KLHDC1: variants seen among roughly 807,000 people sequenced by gnomAD.
KLHDC1 encodes the protein kelch domain containing 1.
Under a neutral mutation model 68.3 loss-of-function variants are expected in KLHDC1, and 53 were observed. The observed-to-expected ratio is 0.78, with a 90% confidence interval of 0.62 to 0.98. KLHDC1 has a LOEUF of 0.98. Ranked by LOEUF, KLHDC1 falls within the 50% of genes least tolerant of loss-of-function variation. KLHDC1 has a pLI of 0.00. For missense variants in KLHDC1, 470 were observed against 492.3 expected, an observed-to-expected ratio of 0.95 and a Z score of 0.43; for synonymous variants, 148 against 159.0, an observed-to-expected ratio of 0.93 and a Z score of 0.52.
At chr14:49,719,433 T>TAC (rs1165092720) in intron 4 of KLHDC1, among the ~76,000 whole-genome samples, 1 of 151,220 alleles carries the variant, frequency 6.6e-6, no homozygotes, top group African/African-American at 2.4e-5. Context: ...TATTTTTATT[T>TAC]ATATATATTT....
chr14:49,695,901 A>G (rs1248055902), intron 1 of KLHDC1, among the ~76,000 whole-genome samples: 1 of 151,970 alleles, frequency 6.6e-6, no homozygotes, highest in Non-Finnish European at 1.5e-5. Flanking sequence ...CGTCTCTACT[A>G]AAAATACAAA....
At chr14:49,721,815 T>C (rs1367217661) in intron 4 of KLHDC1, among the ~76,000 whole-genome samples, 1 of 152,208 alleles carries the variant, frequency 6.6e-6, no homozygotes, top group Non-Finnish European at 1.5e-5. Flanking sequence ...GAGGGAGTTC[T>C]CTTTGCTCTC....
chr14:49,693,395 G>T (rs888334688), intron 1 of KLHDC1, 105 bp downstream of exon 1: 17 of 760,154 alleles, frequency 2.2e-5, no homozygotes, highest in Non-Finnish European at 2.9e-5. Flanking sequence ...CCCAGGCCTG[G>T]CGCGCCCGGC....
At chr14:49,702,186 AAGAT>A (rs1887927605) in intron 1 of KLHDC1, among the ~76,000 whole-genome samples, 2 of 151,730 alleles carry the variant, frequency 1.3e-5, no homozygotes, top group Non-Finnish European at 2.9e-5. Context: ...AAAAAAAAAA[AAGAT>A]AACATCCCCA....
intron 12 of KLHDC1, among the ~76,000 whole-genome samples, chr14:49,746,498 G>A (rs1889202670): frequency 6.6e-6 from 1 of 152,114 alleles, no homozygotes; most frequent in African/African-American, 2.4e-5. Flanking sequence ...CAAGAGAAGG[G>A]AGATCTGAAC....
intron 12 of KLHDC1, among the ~76,000 whole-genome samples, chr14:49,750,606 C>T (rs1007774588): frequency 6.6e-6 from 1 of 152,096 alleles, no homozygotes; most frequent in African/African-American, 2.4e-5. Context: ...GCTAAAGTTA[C>T]CCACAGCAGA....
At chr14:49,706,747 T>G (rs568378179) in intron 1 of KLHDC1, among the ~76,000 whole-genome samples, 2 of 152,338 alleles carry the variant, frequency 1.3e-5, no homozygotes, top group South Asian at 4.1e-4. Flanking sequence ...GTTGAGCACC[T>G]TTTCCTATGC....
At chr14:49,714,665 C>A (rs2139743667) in intron 4 of KLHDC1, among the ~76,000 whole-genome samples, 1 of 151,882 alleles carries the variant, frequency 6.6e-6, no homozygotes, top group South Asian at 2.1e-4. Context: ...CACCTGTGGT[C>A]CCAGCTACTT....
At chr14:49,694,318 A>G (rs1357431532) in intron 1 of KLHDC1, among the ~76,000 whole-genome samples, 1 of 152,088 alleles carries the variant, frequency 6.6e-6, no homozygotes, top group East Asian at 1.9e-4. Flanking sequence ...AGCCATCTGG[A>G]AGTTCTACTG....
At chr14:49,730,777 A>C (rs1038542325) in intron 8 of KLHDC1, among the ~76,000 whole-genome samples, 11 of 151,842 alleles carry the variant, frequency 7.2e-5, no homozygotes, top group Admixed American at 5.9e-4. Context: ...GTTTGAGACC[A>C]GCCTGGCCAA....
chr14:49,709,254 G>T (rs369752714), intron 2 of KLHDC1, 25 bp downstream of exon 2: 34 of 983,732 alleles, frequency 3.5e-5, no homozygotes, highest in Non-Finnish European at 5.2e-5. Context: ...ATTGCATACT[G>T]TCTGATCTTA....
intron 1 of KLHDC1, among the ~76,000 whole-genome samples, chr14:49,696,039 C>G (rs969469072): frequency 1.3e-5 from 2 of 150,570 alleles, no homozygotes; most frequent in African/African-American, 2.5e-5. Flanking sequence ...GCCCTCCAGC[C>G]TGGGCGACAG....
At chr14:49,713,837 TA>T (rs1566602980) in intron 4 of KLHDC1, among the ~76,000 whole-genome samples, 77 of 5,126 alleles carry the variant, frequency 0.015, 2 homozygotes, top group Non-Finnish European at 0.027. Flanking sequence ...TATATATATA[TA>T]TATATATATA....
chr14:49,725,879 G>T lies in KLHDC1; in HGVS notation c.567+110G>T. On this transcript the variant is annotated intron_variant, in intron 6 of 12. Coordinates refer to ENST00000359332, the MANE Select transcript of KLHDC1 (RefSeq NM_172193.3). Reference sequence around the variant, plus strand: ...TTTTGTGTTTTTGAGACAAAGTCTTGCTCTGTTGCCCAGGCTGGAGTACAG... The same window carrying T: ...TTTTGTGTTTTTGAGACAAAGTCTTTCTCTGTTGCCCAGGCTGGAGTACAG... 5.0e-6 allele frequency: 3 copies of T among 599,662 alleles called. No homozygotes were observed. The African/African-American group carries it at 5.7e-5, about 11-fold the overall frequency. 37.1% of individuals were successfully genotyped at this position (599,662 alleles called of 1,614,324 possible). A position where few individuals can be genotyped will look rare whatever the true frequency, so the allele number is the denominator to read the frequency against.
chr14:49,728,773 C>G, intron 6 of KLHDC1, among the ~76,000 whole-genome samples, 153 bp from the exon 7 acceptor site: 1 of 152,230 alleles, frequency 6.6e-6, no homozygotes, highest in East Asian at 1.9e-4. Flanking sequence ...ACAATTAGTA[C>G]TATTTAGAAT....
intron 4 of KLHDC1, among the ~76,000 whole-genome samples, chr14:49,722,433 A>G (rs1594667168): frequency 6.6e-6 from 1 of 152,156 alleles, no homozygotes; most frequent in African/African-American, 2.4e-5. Context: ...TGTCCCTACA[A>G]AGGACATGAA....
At chr14:49,741,419 C>G (rs1408294264) in intron 11 of KLHDC1, among the ~76,000 whole-genome samples, 1 of 151,876 alleles carries the variant, frequency 6.6e-6, no homozygotes, top group Non-Finnish European at 1.5e-5. Context: ...GATTCTCCGG[C>G]CTCAGCCTCC....
At chr14:49,701,681 T>C (rs1468174437) in intron 1 of KLHDC1, among the ~76,000 whole-genome samples, 1 of 151,284 alleles carries the variant, frequency 6.6e-6, no homozygotes, top group African/African-American at 2.4e-5. Flanking sequence ...AACAAAAAAA[T>C]ACCAAAAACT....
chr14:49,699,883 T>C (rs944712490), intron 1 of KLHDC1, among the ~76,000 whole-genome samples: 1 of 152,200 alleles, frequency 6.6e-6, no homozygotes, highest in African/African-American at 2.4e-5. Context: ...CAAGGAACAT[T>C]AAAAGTTGTG....
Sources: gnomAD v4.1 joint callset for allele counts (sites outside exome capture counted in the v4.1 genomes callset) on GRCh38, gnomAD v4.1.1 for gene constraint, MANE v1.5 for transcripts, NCBI Gene and HGNC (gene_info 2026-07-23, HGNC 2026-07-21) for gene names.